The following CHCHD6 variants were observed in gnomAD, a reference collection of about 807,000 sequenced individuals.
The protein encoded by CHCHD6 is MICOS complex subunit MIC25.
CHCHD6 carries 28 observed loss-of-function variants against 32.3 expected under a neutral mutation model. The observed-to-expected ratio is 0.87, with a 90% CI of 0.64 to 1.19. The LOEUF (loss-of-function observed/expected upper bound fraction) is 1.19. Among genes scored for constraint, CHCHD6 ranks in the 50% most tolerant of loss-of-function variants. The pLI is 0.00. For missense variants in CHCHD6, 333 were observed against 307.0 expected, an observed-to-expected ratio of 1.08 and a Z score of -0.63; for synonymous variants, 122 against 117.5, an observed-to-expected ratio of 1.04 and a Z score of -0.25.
At chr3:126,753,032 G>A (rs1936794306) in intron 4 of CHCHD6, among the ~76,000 whole-genome samples, 1 of 152,178 alleles carries the variant, frequency 6.6e-6, no homozygotes, top group Non-Finnish European at 1.5e-5. Flanking sequence ...TGGCAGAGGG[G>A]CGGGGGATAG....
intron 4 of CHCHD6, among the ~76,000 whole-genome samples, chr3:126,793,657 T>C (rs1938658531): frequency 6.6e-6 from 1 of 152,214 alleles, no homozygotes; most frequent in Non-Finnish European, 1.5e-5. Context: ...CACTTTCCAT[T>C]GTTCTTTCTT....
chr3:126,957,110 T>C lies in CHCHD6; in HGVS notation c.567-306T>C. 6.8e-6 allele frequency: 3 copies of C among 441,984 alleles called. No individual in the cohort carries two copies. In the South Asian group the frequency reaches 7.6e-5, roughly 11 times the overall value. 27.4% of individuals were successfully genotyped at this position (441,984 alleles called of 1,614,324 possible). A position where few individuals can be genotyped will look rare whatever the true frequency, so the allele number is the denominator to read the frequency against. On this transcript the variant is annotated intron_variant, in intron 6 of 7. Coordinates refer to ENST00000290913, the MANE Select transcript of CHCHD6 (RefSeq NM_032343.3). ...CTCATGGGGGCCCTCCAGTGGGGCT[T>C]TCCTGTCTCCTGAGTGTACACAGGC...
intron 6 of CHCHD6, among the ~76,000 whole-genome samples, chr3:126,937,459 G>T (rs2078496831): frequency 6.6e-6 from 1 of 152,212 alleles, no homozygotes; most frequent in Admixed American, 6.5e-5. Flanking sequence ...TCTCGGAGAA[G>T]GCTAGGGGAA....
At chr3:126,906,568 T>TA (rs2078009910) in intron 5 of CHCHD6, among the ~76,000 whole-genome samples, 1 of 152,202 alleles carries the variant, frequency 6.6e-6, no homozygotes, top group Non-Finnish European at 1.5e-5. Context: ...AGTCTTGACT[T>TA]ACTTTTCTCG....
intron 5 of CHCHD6, among the ~76,000 whole-genome samples, chr3:126,895,761 TC>T (rs2107580344): frequency 6.6e-6 from 1 of 152,314 alleles, no homozygotes; most frequent in Non-Finnish European, 1.5e-5. Context: ...CCCCACCCCT[TC>T]CAGTTGCTTC....
chr3:126,919,695 C>T (rs573687119), intron 6 of CHCHD6, among the ~76,000 whole-genome samples: 227 of 138,828 alleles, frequency 1.6e-3, no homozygotes, highest in African/African-American at 5.9e-3. Flanking sequence ...ATACCTTTTT[C>T]ACCTTCATTT....
chr3:126,714,076 C>CA (rs1157910763), intron 1 of CHCHD6, among the ~76,000 whole-genome samples: 5,210 of 28,638 alleles, frequency 0.18, 882 homozygotes, highest in Non-Finnish European at 0.22. Flanking sequence ...GACTGCATCT[C>CA]AAAAAAAAAA....
intron 5 of CHCHD6, among the ~76,000 whole-genome samples, chr3:126,865,027 T>A (rs1335534718): frequency 8.3e-6 from 1 of 121,112 alleles, no homozygotes; most frequent in Non-Finnish European, 1.8e-5. Flanking sequence ...CACCACTACC[T>A]CTACTACCTC....
At chr3:126,786,835 C>T (rs1938237310) in intron 4 of CHCHD6, among the ~76,000 whole-genome samples, 1 of 151,918 alleles carries the variant, frequency 6.6e-6, no homozygotes, top group Non-Finnish European at 1.5e-5. Flanking sequence ...TTAATTAGAT[C>T]CCATTTGTCA....
intron 4 of CHCHD6, among the ~76,000 whole-genome samples, chr3:126,797,357 T>A (rs1463366921): frequency 6.6e-6 from 1 of 152,160 alleles, no homozygotes; most frequent in Non-Finnish European, 1.5e-5. Flanking sequence ...GAAACTAGAC[T>A]TTCCATATTT....
intron 4 of CHCHD6, among the ~76,000 whole-genome samples, chr3:126,807,364 A>G (rs1308098581): frequency 6.6e-6 from 1 of 152,166 alleles, no homozygotes; most frequent in East Asian, 1.9e-4. Context: ...ATAAAATAAG[A>G]GTAGGGAACT....
chr3:126,769,938 A>G (rs1213991976), intron 4 of CHCHD6, among the ~76,000 whole-genome samples: 1 of 152,178 alleles, frequency 6.6e-6, no homozygotes, highest in Non-Finnish European at 1.5e-5. Context: ...TGGCCATTTT[A>G]ATCATACTAG....
chr3:126,713,148 C>T (rs1934836969), intron 1 of CHCHD6, among the ~76,000 whole-genome samples: 1 of 152,228 alleles, frequency 6.6e-6, no homozygotes, highest in South Asian at 2.1e-4. Flanking sequence ...TCTATACTTT[C>T]TGGTGCTACC....
chr3:126,750,097 A>G (rs1460341611), intron 4 of CHCHD6, among the ~76,000 whole-genome samples: 2 of 152,100 alleles, frequency 1.3e-5, no homozygotes, highest in Non-Finnish European at 2.9e-5. Context: ...TTCTCTCCAT[A>G]CCTGGGCTTG....
intron 5 of CHCHD6, among the ~76,000 whole-genome samples, chr3:126,903,075 A>AG (rs1026796899): frequency 5.3e-5 from 8 of 152,126 alleles, no homozygotes; most frequent in African/African-American, 2.4e-5. Context: ...GGATATTCTG[A>AG]GGGGAACTGG....
chr3:126,890,204 G>A (rs778849015), intron 5 of CHCHD6, among the ~76,000 whole-genome samples: 2 of 152,240 alleles, frequency 1.3e-5, no homozygotes, highest in Non-Finnish European at 2.9e-5. Flanking sequence ...GAAGCCGGGA[G>A]TTGTCAGCAT....
chr3:126,904,897 G>A (rs1012552436), intron 5 of CHCHD6, among the ~76,000 whole-genome samples: 1 of 152,194 alleles, frequency 6.6e-6, no homozygotes, highest in African/African-American at 2.4e-5. Flanking sequence ...CTAGAATGAG[G>A]TGTCTAGAAG....
intron 6 of CHCHD6, chr3:126,949,368 A>G: frequency 4.3e-6 from 1 of 231,476 alleles, no homozygotes; most frequent in Non-Finnish European, 8.5e-6. Flanking sequence ...AAGGCTGCAC[A>G]GACACCTGCC....
Position 126,727,070 on chromosome 3 carries a change from T to A in CHCHD6, c.88-8T>A. Reference sequence around the variant, plus strand: ...ACTTTTTCTTTTCCCTCTTTTCTGCTTCCTTAGCTGTCTGAAAACGTGGTG... The same window carrying A: ...ACTTTTTCTTTTCCCTCTTTTCTGCATCCTTAGCTGTCTGAAAACGTGGTG... On this transcript the variant is annotated splice_polypyrimidine_tract_variant and splice_region_variant and intron_variant, in intron 1 of 7. Transcript: ENST00000290913. 6.2e-7 allele frequency: 1 copy of A among 1,604,876 alleles called. No homozygotes were observed. The highest frequency in any genetic ancestry group is 1.1e-5 in the South Asian group (1 of 90,690).
Sources: gnomAD v4.1 joint callset for allele counts (sites outside exome capture counted in the v4.1 genomes callset) on GRCh38, gnomAD v4.1.1 for gene constraint, MANE v1.5 for transcripts, NCBI Gene and HGNC (gene_info 2026-07-23, HGNC 2026-07-21) for gene names.